Variants in PCID2 observed in about 807,000 individuals in gnomAD.
PCID2 encodes PCI domain containing 2.
In PCID2, 41 loss-of-function variants were observed where a neutral mutation model predicts 61.3. The observed-to-expected ratio is 0.67, with a 90% confidence interval of 0.52 to 0.87. PCID2 has a LOEUF of 0.87. PCID2 is among the 40% of genes least tolerant of loss of function. PCID2 has a pLI of 0.00. For missense variants in PCID2, 392 were observed against 493.4 expected (o/e 0.79, Z 1.95); for synonymous variants, 187 against 177.8 (o/e 1.05, Z -0.41).
At chr13:113,165,612 C>G in the PCID2 span, among the ~76,000 whole-genome samples, 3 of 152,236 alleles carry the variant, frequency 2.0e-5, no homozygotes, top group Non-Finnish European at 2.9e-5. Context: ...CTCACTGCAA[C>G]CTCTGCCTCC....
chr13:113,202,384 G>A (rs1204504904), intron 1 of PCID2, among the ~76,000 whole-genome samples: 2 of 152,200 alleles, frequency 1.3e-5, no homozygotes, highest in Non-Finnish European at 2.9e-5. Context: ...TTTTGAAACA[G>A]TAATCACACT....
downstream of PCID2, among the ~76,000 whole-genome samples, chr13:113,173,741 A>G (rs967364487): frequency 1.3e-5 from 2 of 152,236 alleles, no homozygotes; most frequent in Admixed American, 1.3e-4. Flanking sequence ...TTAAAGTCTT[A>G]GTGAAGTTTG....
the PCID2 span, chr13:113,170,430 C>T: frequency 1.6e-5 from 26 of 1,602,264 alleles, no homozygotes; most frequent in South Asian, 9.9e-5. Flanking sequence ...TAACAAATTC[C>T]GAAGGAAAAG....
chr13:113,189,526 T>C (rs950958378), intron 7 of PCID2, among the ~76,000 whole-genome samples: 11 of 152,226 alleles, frequency 7.2e-5, no homozygotes, highest in African/African-American at 2.4e-4. Context: ...AATCTTTCTT[T>C]GCTTTAAAAT....
the PCID2 span, among the ~76,000 whole-genome samples, chr13:113,167,408 T>C: frequency 6.6e-6 from 1 of 152,254 alleles, no homozygotes; most frequent in Non-Finnish European, 1.5e-5. Flanking sequence ...GCTCAGCATT[T>C]TGCATTAGAC....
At chr13:113,204,933 C>T (rs965870325) in intron 1 of PCID2, among the ~76,000 whole-genome samples, 1 of 152,162 alleles carries the variant, frequency 6.6e-6, no homozygotes, top group Non-Finnish European at 1.5e-5. Context: ...TGAGCGGCAC[C>T]CCCAGGCCTG....
intron 5 of PCID2, 36 bp downstream of exon 5, chr13:113,196,145 C>T (rs370404543): frequency 3.7e-5 from 56 of 1,533,554 alleles, no homozygotes; most frequent in African/African-American, 9.5e-5. Context: ...AAAAAAATTG[C>T]CATTTGCTAA....
intron 5 of PCID2, among the ~76,000 whole-genome samples, 165 bp downstream of exon 5, chr13:113,196,016 A>G (rs2038986098): frequency 6.6e-6 from 1 of 152,236 alleles, no homozygotes; most frequent in Non-Finnish European, 1.5e-5. Context: ...AGTTTACTAG[A>G]TTTGTGACTC....
At chr13:113,185,658 A>T (rs1297228927) in intron 7 of PCID2, 98 bp from the exon 8 acceptor site, 1 of 740,954 alleles carries the variant, frequency 1.3e-6, no homozygotes, top group Non-Finnish European at 2.3e-6. Flanking sequence ...TCTTGAGGTA[A>T]GTCCCAAAGC....
chr13:113,184,557 G>C, intron 8 of PCID2, 70 bp from the exon 9 acceptor site: 1 of 842,056 alleles, frequency 1.2e-6, no homozygotes, highest in Non-Finnish European at 2.0e-6. Flanking sequence ...AAATTACTAA[G>C]CATGTCTCCT....
chr13:113,200,190 CAG>C (rs1418278877), intron 2 of PCID2, among the ~76,000 whole-genome samples: 1 of 152,220 alleles, frequency 6.6e-6, no homozygotes, highest in African/African-American at 2.4e-5. Context: ...CTCTAAACCT[CAG>C]AGAGCTGTCT....
Position 113,192,808 on chromosome 13 carries a change from G to A in PCID2, c.364-1833C>T, listed in dbSNP as rs546496333. Among the ~76,000 whole-genome samples the A allele has an allele frequency of 1.2e-3, 182 of 152,254 alleles. 1 individual carries two copies. Among genetic ancestry groups the A allele is most frequent in the African/African-American group, 4.2e-3 (175 of 41,534 alleles). The stretch of plus-strand genomic sequence containing the variant: ...ATGGTCTGCTATGGTCTGAATGCTT[G>A]TGTCCCCTCCAAAACTCATGCTGAA... On this transcript the variant is annotated intron_variant, in intron 6 of 13. Transcript: ENST00000337344.
Position 113,179,352 on chromosome 13 carries a change from C to A in PCID2, c.987-263G>T, listed in dbSNP as rs1409427713. On this transcript the variant is annotated intron_variant, in intron 12 of 13. Transcript: ENST00000337344. This position sits in a 1 kb window ranked among gnomAD's most constrained non-coding sequence, Gnocchi z 4.3. ...GGTTTTTTTTTTCACATTTTAATCT[C>A]CCTGAAATCAGGAAGCACCTGACAA... Among the ~76,000 whole-genome samples, 2 of 151,666 alleles carry A rather than the reference C, an allele frequency of 1.3e-5. No individual in the cohort carries two copies. Among genetic ancestry groups the A allele is most frequent in the African/African-American group, 2.4e-5 (1 of 41,258 alleles).
Position 113,179,177 on chromosome 13 carries a change from G to T in PCID2, c.987-88C>A. 1 of 1,214,926 alleles carries T rather than the reference G, an allele frequency of 8.2e-7. No individual in the cohort carries two copies. Among genetic ancestry groups the T allele is most frequent in the African/African-American group, 1.5e-5 (1 of 65,960 alleles). The allele number at this position is 1,214,926 out of a possible 1,614,324, so 75.3% of individuals were successfully genotyped here. On this transcript the variant is annotated intron_variant, in intron 12 of 13. Transcript: ENST00000337344. This position sits in a 1 kb window ranked among gnomAD's most constrained non-coding sequence, Gnocchi z 4.3. Reference sequence around the variant, plus strand: ...AAAAGGCACCTCTTAATAAGCCGGTGTTCTAAAGGAGTAAAAAAATTCCCA... The same window carrying T: ...AAAAGGCACCTCTTAATAAGCCGGTTTTCTAAAGGAGTAAAAAAATTCCCA...
chr13:113,174,753 G>T (rs118188641), downstream of PCID2, among the ~76,000 whole-genome samples: 591 of 152,326 alleles, frequency 3.9e-3, no homozygotes, highest in Non-Finnish European at 7.0e-3. Flanking sequence ...CAAAGTGCTG[G>T]TATCATAAAT....
At chr13:113,202,125 A>G (rs2039479172) in intron 1 of PCID2, among the ~76,000 whole-genome samples, 1 of 152,220 alleles carries the variant, frequency 6.6e-6, no homozygotes, top group African/African-American at 2.4e-5. Context: ...AATTTTTAGA[A>G]GAAAATTGGT....
At chr13:113,199,482 G>A (rs1396549664) in intron 2 of PCID2, among the ~76,000 whole-genome samples, 1 of 152,222 alleles carries the variant, frequency 6.6e-6, no homozygotes, top group African/African-American at 2.4e-5. Flanking sequence ...GATATGGTGA[G>A]AGAGAAGAAT....
chr13:113,171,417 T>C, the PCID2 span, among the ~76,000 whole-genome samples: 2 of 152,180 alleles, frequency 1.3e-5, no homozygotes, highest in Non-Finnish European at 2.9e-5. The surrounding 1 kb of genome is among the most constrained non-coding windows in gnomAD (Gnocchi z 5.1). Context: ...TCGTGCAATC[T>C]GTGAGTGGCC....
intron 5 of PCID2, 55 bp downstream of exon 5, chr13:113,196,126 G>C: frequency 7.7e-7 from 1 of 1,306,676 alleles, no homozygotes; most frequent in Non-Finnish European, 1.1e-6. Context: ...TTTGTAAAAA[G>C]ATTCTGCTAA....
Sources: gnomAD v4.1 joint callset for allele counts (sites outside exome capture counted in the v4.1 genomes callset) on GRCh38, gnomAD v4.1.1 for gene constraint, Gnocchi (gnomAD v3.1) non-coding constraint, MANE v1.5 for transcripts, NCBI Gene and HGNC (gene_info 2026-07-23, HGNC 2026-07-21) for gene names.